The following TMEM120B variants were observed in gnomAD, a reference collection of about 807,000 sequenced individuals.
The protein encoded by TMEM120B is transmembrane protein 120B.
In TMEM120B, 31 loss-of-function variants were observed where a neutral mutation model predicts 55.5. The observed-to-expected ratio is 0.56, with a 90% CI of 0.42 to 0.75. TMEM120B has a LOEUF of 0.75. TMEM120B is among the 30% of genes least tolerant of loss of function. The pLI, the probability that TMEM120B is intolerant of heterozygous loss-of-function variation, is 0.00. For missense variants in TMEM120B, 399 were observed against 425.5 expected, an observed-to-expected ratio of 0.94 and a Z score of 0.55; for synonymous variants, 203 against 176.3, an observed-to-expected ratio of 1.15 and a Z score of -1.20.
At chr12:121,724,100 C>T (rs939792463) in intron 1 of TMEM120B, among the ~76,000 whole-genome samples, 4 of 137,200 alleles carry the variant, frequency 2.9e-5, no homozygotes, top group Non-Finnish European at 6.1e-5. Flanking sequence ...TGCAGTGGCA[C>T]GATCTCCACT....
intron 6 of TMEM120B, among the ~76,000 whole-genome samples, chr12:121,764,879 T>C (rs1873797677): frequency 6.6e-6 from 1 of 152,082 alleles, no homozygotes; most frequent in African/African-American, 2.4e-5. Context: ...CAGCCTCCCT[T>C]GCCTAACAGT....
chr12:121,766,304 T>C (rs1873847291), intron 6 of TMEM120B, among the ~76,000 whole-genome samples: 1 of 149,774 alleles, frequency 6.7e-6, no homozygotes, highest in Admixed American at 6.6e-5. Context: ...AATAAGCAAG[T>C]CAGCTCTTGT....
intron 3 of TMEM120B, among the ~76,000 whole-genome samples, chr12:121,749,643 T>G (rs1193075830): frequency 6.6e-6 from 1 of 152,166 alleles, no homozygotes; most frequent in East Asian, 1.9e-4. Context: ...CAGTGGCTCA[T>G]GCCTGTAATC....
chr12:121,772,035 CTTTCTCTT>C (rs1415909647), intron 8 of TMEM120B, among the ~76,000 whole-genome samples: 3 of 114,364 alleles, frequency 2.6e-5, no homozygotes, highest in African/African-American at 1.5e-4. Context: ...CCCTTTCTTT[CTTTCTCTT>C]TCTTTCTTTC....
rs187122728 is a variant in TMEM120B at position 121,776,207 on chromosome 12, G to A, written c.*485G>A. The stretch of plus-strand genomic sequence containing the variant: ...TGCTTCTGCTGTGAGCCCCCTCCTC[G>A]CCCACCCCGCCACGTGGTGAGGGTT... On this transcript the variant is annotated 3_prime_UTR_variant, in exon 12 of 12. Transcript: ENST00000449592. The A allele has an allele frequency of 1.8e-3, 517 of 280,980 alleles. 3 individuals carry two copies. The highest frequency in any genetic ancestry group is 2.4e-3 in the Admixed American group (45 of 18,932). 17.4% of individuals were successfully genotyped at this position (280,980 alleles called of 1,614,324 possible).
chr12:121,745,198 G>A (rs773595455), intron 2 of TMEM120B, among the ~76,000 whole-genome samples: 18 of 152,042 alleles, frequency 1.2e-4, no homozygotes, highest in Non-Finnish European at 2.5e-4. Flanking sequence ...CGTGAGTTAG[G>A]GTCTTAGACC....
At chr12:121,727,735 G>A (rs530861274) in intron 1 of TMEM120B, among the ~76,000 whole-genome samples, 5 of 150,768 alleles carry the variant, frequency 3.3e-5, no homozygotes, top group East Asian at 2.0e-4. Flanking sequence ...TTAGACAGGC[G>A]TGGTGGCAGG....
chr12:121,732,324 C>G lies in TMEM120B; in HGVS notation c.70-11305C>G, dbSNP rs1202608022. 2.0e-5 allele frequency among the ~76,000 whole-genome samples: 3 copies of G among 152,154 alleles called. No individual in the cohort carries two copies. The East Asian group carries it at 5.8e-4, about 29-fold the overall frequency. Reference sequence around the variant, plus strand: ...GTGGCTCCCCTCACTCCATGTTGTCCTCCTCGTGGCTGGCAAATCCTGAGC... The same window carrying G: ...GTGGCTCCCCTCACTCCATGTTGTCGTCCTCGTGGCTGGCAAATCCTGAGC... On this transcript the variant is annotated intron_variant, in intron 1 of 11. Coordinates refer to ENST00000449592, the MANE Select transcript of TMEM120B (RefSeq NM_001080825.2).
intron 5 of TMEM120B, among the ~76,000 whole-genome samples, chr12:121,756,599 A>G (rs560122523): frequency 6.6e-6 from 1 of 152,248 alleles, no homozygotes; most frequent in East Asian, 1.9e-4. Context: ...TATCTTCATA[A>G]AAGGGAGGGA....
intron 5 of TMEM120B, chr12:121,758,322 C>G (rs1873544172): frequency 2.0e-6 from 2 of 985,390 alleles, no homozygotes; most frequent in South Asian, 4.7e-5. Context: ...TGCCGGCCCT[C>G]CATGCTGACC....
intron 1 of TMEM120B, among the ~76,000 whole-genome samples, chr12:121,734,109 G>A (rs914038811): frequency 2.0e-5 from 3 of 152,104 alleles, no homozygotes; most frequent in African/African-American, 4.8e-5. Context: ...ACGGCTGCCT[G>A]ATGCTCGTGG....
At chr12:121,739,655 TAG>T (rs1872869933) in intron 1 of TMEM120B, among the ~76,000 whole-genome samples, 1 of 151,848 alleles carries the variant, frequency 6.6e-6, no homozygotes, top group Non-Finnish European at 1.5e-5. Flanking sequence ...GTATTTTTAG[TAG>T]AGACGGGTTT....
intron 4 of TMEM120B, 71 bp from the exon 5 acceptor site, chr12:121,752,057 C>A: frequency 7.7e-7 from 1 of 1,303,578 alleles, no homozygotes; most frequent in Non-Finnish European, 1.1e-6. Context: ...TCTGATGGGG[C>A]TGAGGGCCAT....
At chr12:121,766,572 C>G (rs1226244464) in intron 6 of TMEM120B, among the ~76,000 whole-genome samples, 1 of 152,158 alleles carries the variant, frequency 6.6e-6, no homozygotes, top group Non-Finnish European at 1.5e-5. Context: ...TTCTGATTGG[C>G]CAGGCTTGGG....
intron 1 of TMEM120B, among the ~76,000 whole-genome samples, chr12:121,714,811 C>T (rs1592919747): frequency 6.6e-6 from 1 of 151,760 alleles, no homozygotes; most frequent in East Asian, 1.9e-4. Flanking sequence ...CTGCCTGCCT[C>T]GGCCTCCCAA....
chr12:121,765,833 C>G (rs1413337910), intron 6 of TMEM120B, among the ~76,000 whole-genome samples: 2 of 152,120 alleles, frequency 1.3e-5, no homozygotes, highest in Non-Finnish European at 2.9e-5. Context: ...AAGGGAGATG[C>G]CTTGGAGGCC....
chr12:121,736,827 G>A (rs901030459), intron 1 of TMEM120B, among the ~76,000 whole-genome samples: 1 of 152,112 alleles, frequency 6.6e-6, no homozygotes, highest in Non-Finnish European at 1.5e-5. Flanking sequence ...TTACAGGTGC[G>A]AGCCACTGCA....
chr12:121,757,579 C>T (rs1418165573), intron 5 of TMEM120B, among the ~76,000 whole-genome samples: 5 of 150,888 alleles, frequency 3.3e-5, no homozygotes, highest in African/African-American at 9.8e-5. Flanking sequence ...TGCAGTGGCA[C>T]GATCTTGGCT....
rs997897462 is a variant in TMEM120B, at chr12:121,776,006, G to A, written c.*284G>A. 3.9e-5 allele frequency: 23 copies of A among 591,874 alleles called. No homozygotes were observed. Among genetic ancestry groups the A allele is most frequent in the Middle Eastern group, 3.5e-4 (1 of 2,880 alleles). 36.7% of individuals were successfully genotyped at this position (591,874 alleles called of 1,614,324 possible). On this transcript the variant is annotated 3_prime_UTR_variant, in exon 12 of 12. Coordinates refer to ENST00000449592, the MANE Select transcript of TMEM120B (RefSeq NM_001080825.2). ...AGGCCGGGCCAGTCTTCCTGGGGATGGGGCCTGAAGCCTCAGGGAGCCCCT... is the reference window on the plus strand; with the variant it reads ...AGGCCGGGCCAGTCTTCCTGGGGATAGGGCCTGAAGCCTCAGGGAGCCCCT...
Sources: gnomAD v4.1 joint callset for allele counts (sites outside exome capture counted in the v4.1 genomes callset) on GRCh38, gnomAD v4.1.1 for gene constraint, MANE v1.5 for transcripts, NCBI Gene and HGNC (gene_info 2026-07-23, HGNC 2026-07-21) for gene names.